ZNF385D: variants seen among roughly 807,000 people sequenced by gnomAD.
The protein encoded by ZNF385D is zinc finger protein 659.
Under a neutral mutation model 35.8 loss-of-function variants are expected in ZNF385D, and 15 were observed. The observed-to-expected ratio is 0.42, with a 90% CI of 0.28 to 0.64. The LOEUF (loss-of-function observed/expected upper bound fraction) is 0.64. Ranked by LOEUF, ZNF385D falls within the 30% of genes least tolerant of loss-of-function variation. ZNF385D has a pLI of 0.23. For missense variants in ZNF385D, 474 were observed against 494.6 expected, an observed-to-expected ratio of 0.96 and a Z score of 0.39; for synonymous variants, 212 against 186.8, an observed-to-expected ratio of 1.13 and a Z score of -1.10.
At chr3:22,347,168 C>A (rs1303008257) in intron 2 of ZNF385D, among the ~76,000 whole-genome samples, 3 of 152,138 alleles carry the variant, frequency 2.0e-5, no homozygotes, top group African/African-American at 7.2e-5. Flanking sequence ...TCATTTTGAG[C>A]TATAGAGCAA....
chr3:22,109,054 C>T (rs1021684037), intron 3 of ZNF385D, among the ~76,000 whole-genome samples: 2 of 152,008 alleles, frequency 1.3e-5, no homozygotes, highest in East Asian at 1.9e-4. Context: ...CTTGTACAGA[C>T]GAACGACGCA....
intron 3 of ZNF385D, among the ~76,000 whole-genome samples, chr3:21,942,194 A>G (rs1402972990): frequency 6.6e-6 from 1 of 152,338 alleles, no homozygotes; most frequent in African/African-American, 2.4e-5. Context: ...TTACATTTTA[A>G]TTTTTAGAGA....
At chr3:21,836,018 G>C (rs537754239) in intron 3 of ZNF385D, among the ~76,000 whole-genome samples, 1 of 152,026 alleles carries the variant, frequency 6.6e-6, no homozygotes, top group Non-Finnish European at 1.5e-5. Context: ...GATCAGACAG[G>C]TAAAGAAAAT....
chr3:22,219,522 ACTGT>A (rs1698121367), intron 2 of ZNF385D, among the ~76,000 whole-genome samples: 1 of 152,158 alleles, frequency 6.6e-6, no homozygotes, highest in African/African-American at 2.4e-5. Context: ...CTTTTAAGAG[ACTGT>A]CTGACATCTT....
In ZNF385D at chr3:22,153,184, G is replaced by C. The variant is rs181109465; in HGVS notation, c.325+15633C>G. On this transcript the variant is annotated intron_variant, in intron 3 of 5. Coordinates refer to the ZNF385D transcript ENST00000494108. ...AACTCATATTCAGTTTTCTTGCTTT[G>C]GGAATGGTCCAACAGAGAATGAGCA... Among the ~76,000 whole-genome samples, 164 of 152,142 alleles carry C rather than the reference G, an allele frequency of 1.1e-3. 1 individual carries two copies. Among genetic ancestry groups the C allele is most frequent in the African/African-American group, 3.7e-3 (154 of 41,512 alleles).
rs193069029 is a variant in ZNF385D at position 22,099,662 on chromosome 3, T to C, written c.325+69155A>G. 2.4e-3 allele frequency among the ~76,000 whole-genome samples: 366 copies of C among 151,822 alleles called. 2 individuals carry two copies. Among genetic ancestry groups the C allele is most frequent in the African/African-American group, 8.3e-3 (346 of 41,456 alleles). On this transcript the variant is annotated intron_variant, in intron 3 of 5. Transcript: ENST00000494108. Reference sequence around the variant, plus strand: ...CAGAGAATAAATGCTAACTTAGAGATAGGTAGTCATCCTGGACTTGCAGCA... The same window carrying C: ...CAGAGAATAAATGCTAACTTAGAGACAGGTAGTCATCCTGGACTTGCAGCA...
At chr3:21,615,125 T>G (rs1306926034) in intron 2 of ZNF385D, among the ~76,000 whole-genome samples, 1 of 152,200 alleles carries the variant, frequency 6.6e-6, no homozygotes, top group Non-Finnish European at 1.5e-5. Flanking sequence ...TGGGGCCTAG[T>G]GGGAGGTCTT....
chr3:21,512,145 C>CAAAAAA (rs35276805), intron 3 of ZNF385D, among the ~76,000 whole-genome samples: 8 of 90,292 alleles, frequency 8.9e-5, no homozygotes, highest in African/African-American at 3.1e-4. Flanking sequence ...GACTCCATCT[C>CAAAAAA]AAAAAAAAAA....
chr3:21,552,189 G>C (rs1415657360), intron 3 of ZNF385D, among the ~76,000 whole-genome samples: 1 of 152,096 alleles, frequency 6.6e-6, no homozygotes, highest in Admixed American at 6.6e-5. Context: ...TGTCGCATTG[G>C]GCTTAGAAAG....
At chr3:22,086,450 T>C (rs966870777) in intron 3 of ZNF385D, among the ~76,000 whole-genome samples, 13 of 152,232 alleles carry the variant, frequency 8.5e-5, no homozygotes, top group Non-Finnish European at 1.5e-4. Context: ...CCATTCACAA[T>C]TGCTTCAAAG....
At chr3:22,095,205 G>A (rs1428135366) in intron 3 of ZNF385D, among the ~76,000 whole-genome samples, 1 of 151,140 alleles carries the variant, frequency 6.6e-6, no homozygotes, top group Non-Finnish European at 1.5e-5. Flanking sequence ...GTGATTACAG[G>A]TGTGAACGAT....
rs573962505 is a variant in ZNF385D at position 21,645,294 on chromosome 3, A to AG, written c.165+19591dup. On this transcript the variant is annotated intron_variant, in intron 2 of 7. Transcript: ENST00000281523. ...ACTGATAAAATAAACAGTTGTTGAG[A>AG]GGGGGTGGCACAAGGCAGTGAGATC... Among the ~76,000 whole-genome samples the AG allele has an allele frequency of 1.8e-4, 28 of 152,198 alleles. No homozygotes were observed. The East Asian group carries it at 5.4e-3, about 29-fold the overall frequency.
intron 2 of ZNF385D, among the ~76,000 whole-genome samples, chr3:22,180,263 A>G (rs185382009): frequency 6.6e-6 from 1 of 152,368 alleles, no homozygotes; most frequent in African/African-American, 2.4e-5. Flanking sequence ...GAATAGACCA[A>G]TAACAGGCTC....
chr3:21,978,602 G>A (rs921208071), intron 3 of ZNF385D, among the ~76,000 whole-genome samples: 21 of 152,104 alleles, frequency 1.4e-4, no homozygotes, highest in Admixed American at 1.0e-3. Flanking sequence ...TCCAGACTAG[G>A]CCTGATATTA....
At chr3:21,566,434 TG>T (rs1426783966) in intron 2 of ZNF385D, among the ~76,000 whole-genome samples, 1 of 152,118 alleles carries the variant, frequency 6.6e-6, no homozygotes, top group Non-Finnish European at 1.5e-5. Flanking sequence ...GAGACCAGCC[TG>T]GCCAGCATGG....
chr3:21,430,414 G>A (rs17008691), intron 5 of ZNF385D, among the ~76,000 whole-genome samples: 3,573 of 152,122 alleles, frequency 0.023, 123 homozygotes, highest in Admixed American at 0.089. Flanking sequence ...GGTCCTGGAG[G>A]GAAAGCTCTG....
chr3:22,164,088 AAAT>A (rs1307962531), intron 3 of ZNF385D, among the ~76,000 whole-genome samples: 1 of 152,214 alleles, frequency 6.6e-6, no homozygotes, highest in Non-Finnish European at 1.5e-5. Context: ...TAGGTAAAAG[AAAT>A]AATATGTTTC....
chr3:22,096,204 G>C (rs532885094), intron 3 of ZNF385D, among the ~76,000 whole-genome samples: 1 of 151,914 alleles, frequency 6.6e-6, no homozygotes, highest in African/African-American at 2.4e-5. Flanking sequence ...TTGAAAAACC[G>C]ACTGTTGAGT....
At chr3:22,138,313 C>A (rs1293701764) in intron 3 of ZNF385D, among the ~76,000 whole-genome samples, 1 of 152,226 alleles carries the variant, frequency 6.6e-6, no homozygotes, top group African/African-American at 2.4e-5. Flanking sequence ...TTGGAAAAAA[C>A]TACTTTACAG....
Sources: allele counts gnomAD v4.1 joint callset (sites outside exome capture counted in the v4.1 genomes callset), GRCh38; gene constraint gnomAD v4.1.1; transcripts MANE v1.5; gene names NCBI Gene and HGNC (gene_info 2026-07-23, HGNC 2026-07-21).